RBPJ: variants seen among roughly 807,000 people sequenced by gnomAD.
RBPJ encodes the protein recombining binding protein suppressor of hairless.
Under a neutral mutation model 67.8 loss-of-function variants are expected in RBPJ, and 9 were observed. The observed-to-expected ratio is 0.13, with a 90% CI of 0.08 to 0.23. The LOEUF is 0.23. RBPJ is among the 10% of genes least tolerant of loss of function. The pLI, the probability that RBPJ is intolerant of heterozygous loss-of-function variation, is 1.00. For synonymous variants in RBPJ, 198 were observed against 203.3 expected, an observed-to-expected ratio of 0.97 and a Z score of 0.22; for missense variants, 305 against 595.6, an observed-to-expected ratio of 0.51 and a Z score of 5.08.
At chr4:26,150,853 A>G in the RBPJ span, among the ~76,000 whole-genome samples, 8 of 152,176 alleles carry the variant, frequency 5.3e-5, no homozygotes, top group African/African-American at 1.9e-4. Flanking sequence ...AGCTCATCAC[A>G]TCTTTGCTCT....
At chr4:26,286,534 T>G (rs531934278) in intron 1 of RBPJ, among the ~76,000 whole-genome samples, 63 of 151,516 alleles carry the variant, frequency 4.2e-4, no homozygotes, top group Admixed American at 1.4e-3. Flanking sequence ...AGCTCTTGGC[T>G]TAAAGCTTTG....
chr4:26,328,647 A>C (rs1002264495), intron 1 of RBPJ, among the ~76,000 whole-genome samples: 3 of 152,110 alleles, frequency 2.0e-5, no homozygotes, highest in Admixed American at 2.0e-4. Context: ...TGTTTTTTAG[A>C]GACAGTCTCA....
intron 1 of RBPJ, among the ~76,000 whole-genome samples, chr4:26,298,230 T>C: frequency 6.6e-6 from 1 of 152,228 alleles, no homozygotes; most frequent in Non-Finnish European, 1.5e-5. Context: ...TGTTTGCTAT[T>C]GTTGTAACCT....
rs1735442650 is a variant in RBPJ at position 26,424,488 on chromosome 4, A to G, written c.634+9A>G. 5 of 1,612,796 alleles carry G rather than the reference A, an allele frequency of 3.1e-6. No homozygotes were observed. The highest frequency in any genetic ancestry group is 4.2e-6 in the Non-Finnish European group (5 of 1,179,472). ...CTTTTTTATTCATCTCTGTGAGTAT[A>G]AAAGTGTGCATTTAATGTTTTTAGT... On this transcript the variant is annotated intron_variant, in intron 6 of 10. Transcript: ENST00000355476. This position sits in a 1 kb window ranked among gnomAD's most constrained non-coding sequence, Gnocchi z 5.3.
At chr4:26,310,395 GA>G (rs1480402897) in intron 1 of RBPJ, among the ~76,000 whole-genome samples, 1 of 152,098 alleles carries the variant, frequency 6.6e-6, no homozygotes, top group African/African-American at 2.4e-5. Flanking sequence ...AACATTTGTA[GA>G]GTGAGCGGCT....
chr4:26,322,285 A>G (rs893006460), intron 1 of RBPJ: 1 of 152,148 alleles, frequency 6.6e-6, no homozygotes, highest in South Asian at 2.1e-4. Flanking sequence ...CACAATGGAT[A>G]TTCATTTGGC....
intron 1 of RBPJ, among the ~76,000 whole-genome samples, chr4:26,384,898 T>C (rs1184550279): frequency 1.5e-4 from 5 of 34,302 alleles, no homozygotes; most frequent in African/African-American, 6.1e-4. Context: ...TCTCCCCTCT[T>C]GCCTCTTGCC....
chr4:26,182,994 C>A (rs1434197922), intron 1 of RBPJ, among the ~76,000 whole-genome samples: 3 of 152,178 alleles, frequency 2.0e-5, no homozygotes, highest in African/African-American at 7.2e-5. Context: ...GAAGGACCTG[C>A]CTGAGGCTGC....
chr4:26,129,013 G>T, the RBPJ span, among the ~76,000 whole-genome samples: 2 of 152,164 alleles, frequency 1.3e-5, no homozygotes, highest in Non-Finnish European at 1.5e-5. Flanking sequence ...TTACCCAGTC[G>T]TGGGTATGTC....
intron 1 of RBPJ, among the ~76,000 whole-genome samples, chr4:26,188,823 T>A (rs1717370618): frequency 6.6e-6 from 1 of 152,228 alleles, no homozygotes; most frequent in South Asian, 2.1e-4. Context: ...GCATGCATCA[T>A]ATAAGATAGA....
intron 2 of RBPJ, among the ~76,000 whole-genome samples, chr4:26,388,504 T>C (rs1057241477): frequency 6.6e-6 from 1 of 152,136 alleles, no homozygotes; most frequent in Non-Finnish European, 1.5e-5. Context: ...ATAGCTTTAT[T>C]TGTAAAATGG....
the RBPJ span, among the ~76,000 whole-genome samples, chr4:26,127,346 T>C: frequency 4.6e-5 from 7 of 152,336 alleles, no homozygotes; most frequent in African/African-American, 1.7e-4. Context: ...GAATCTGATC[T>C]GACCTAGTCC....
At chr4:26,249,218 T>C (rs773414306) in intron 1 of RBPJ, among the ~76,000 whole-genome samples, 9 of 152,230 alleles carry the variant, frequency 5.9e-5, no homozygotes, top group Non-Finnish European at 1.3e-4. Flanking sequence ...AAGCATTTTA[T>C]TGAATTATAA....
chr4:26,400,334 G>C (rs1044275046), intron 2 of RBPJ, among the ~76,000 whole-genome samples: 2 of 152,198 alleles, frequency 1.3e-5, no homozygotes, highest in South Asian at 4.1e-4. Context: ...ACTGGCACCT[G>C]CAGGGTAAAA....
chr4:26,281,547 TG>T (rs1370019487), intron 1 of RBPJ, among the ~76,000 whole-genome samples: 1 of 152,240 alleles, frequency 6.6e-6, no homozygotes, highest in African/African-American at 2.4e-5. Context: ...CCCAAAGTGC[TG>T]GGATTATAGG....
In RBPJ at chr4:26,204,133, T is replaced by TG. The variant is rs541424459; in HGVS notation, c.-167+40526dup. Among the ~76,000 whole-genome samples, 126 of 151,990 alleles carry TG rather than the reference T, an allele frequency of 8.3e-4. 1 individual carries two copies. Among genetic ancestry groups the TG allele is most frequent in the African/African-American group, 2.8e-3 (116 of 41,450 alleles). On this transcript the variant is annotated intron_variant, in intron 1 of 4. Transcript: ENST00000512351. Reference sequence around the variant, plus strand: ...CTAATTTTTGTATTTTTTGTAGGGATGGGGGGGTCTCACCATGTTGCCTAA... The same window carrying TG: ...CTAATTTTTGTATTTTTTGTAGGGATGGGGGGGGTCTCACCATGTTGCCTAA...
chr4:26,142,583 A>G, the RBPJ span, among the ~76,000 whole-genome samples: 1 of 152,232 alleles, frequency 6.6e-6, no homozygotes, highest in Non-Finnish European at 1.5e-5. Context: ...GGTATCACAC[A>G]TGCCTTATCA....
chr4:26,229,729 A>G (rs759933664), intron 1 of RBPJ, among the ~76,000 whole-genome samples: 3 of 152,144 alleles, frequency 2.0e-5, no homozygotes, highest in Non-Finnish European at 4.4e-5. Flanking sequence ...TCCAATGTTT[A>G]TGGGTATTAT....
the RBPJ span, among the ~76,000 whole-genome samples, chr4:26,135,403 T>A: frequency 6.6e-6 from 1 of 151,994 alleles, no homozygotes; most frequent in Admixed American, 6.6e-5. Flanking sequence ...GCTACTTTGA[T>A]AGGAAGTGGT....
Sources: allele counts gnomAD v4.1 joint callset (sites outside exome capture counted in the v4.1 genomes callset), GRCh38; gene constraint gnomAD v4.1.1; non-coding constraint Gnocchi (gnomAD v3.1); transcripts MANE v1.5; gene names NCBI Gene and HGNC (gene_info 2026-07-23, HGNC 2026-07-21).